Variants in PRSS57 observed in about 807,000 individuals in gnomAD.
PRSS57 encodes the protein serine protease 57.
In PRSS57, 19 loss-of-function variants were observed where a neutral mutation model predicts 20.6. The observed-to-expected ratio is 0.92, with a 90% CI of 0.64 to 1.35. The LOEUF (loss-of-function observed/expected upper bound fraction) is 1.35, where lower values mean the gene tolerates loss of function less well. Ranked by LOEUF, PRSS57 falls within the 40% of genes most tolerant of loss-of-function variation. PRSS57 has a pLI of 0.00. For missense variants in PRSS57, 440 were observed against 403.7 expected, an observed-to-expected ratio of 1.09 and a Z score of -0.77; for synonymous variants, 203 against 176.6, an observed-to-expected ratio of 1.15 and a Z score of -1.19.
At chr19:691,431 G>A (rs2031640836) in intron 3 of PRSS57, among the ~76,000 whole-genome samples, 1 of 151,652 alleles carries the variant, frequency 6.6e-6, no homozygotes, top group Non-Finnish European at 1.5e-5. Flanking sequence ...CTTGAGCCTG[G>A]GAGGCGGAGG....
chr19:695,378 G>C lies in PRSS57; in HGVS notation c.53C>G (p.Ala18Gly). The C allele has an allele frequency of 1.6e-6, 2 of 1,282,900 alleles. No individual in the cohort carries two copies. Among genetic ancestry groups the C allele is most frequent in the Non-Finnish European group, 2.0e-6 (2 of 1,009,932 alleles). The allele number at this position is 1,282,900 out of a possible 1,614,324, so 79.5% of individuals were successfully genotyped here. The change falls in exon 1 of 5, where the codon GCC becomes GGC. Residue 18 changes from alanine (A) to glycine (G), a missense_variant. Physicochemically the swap from Ala to Gly is moderately conservative, Grantham distance 60 (BLOSUM62 0). Coordinates refer to ENST00000329267, the MANE Select transcript of PRSS57 (RefSeq NM_001308209.2). ...WGRPLLTVAT[A>G]LMLPVKPPGS... ...GGGGGGCTTCACGGGCAGCATCAGGGCGGTGGCCACAGTCAGCAGAGGACG... is the reference window on the plus strand; with the variant it reads ...GGGGGGCTTCACGGGCAGCATCAGGCCGGTGGCCACAGTCAGCAGAGGACG...
chr19:691,776 GC>G, intron 3 of PRSS57, 81 bp downstream of exon 3: 1 of 1,229,304 alleles, frequency 8.1e-7, no homozygotes, highest in South Asian at 3.5e-5. Flanking sequence ...CCGAGATTGC[GC>G]CATTGCCCTC....
intron 4 of PRSS57, among the ~76,000 whole-genome samples, 159 bp downstream of exon 4, chr19:686,766 A>C (rs2031484672): frequency 1.3e-5 from 2 of 152,158 alleles, no homozygotes; most frequent in Non-Finnish European, 2.9e-5. Context: ...GCAGCCCTGC[A>C]TGACCCTTGC....
intron 2 of PRSS57, among the ~76,000 whole-genome samples, chr19:693,712 A>C (rs368107806): frequency 3.8e-4 from 57 of 150,338 alleles, no homozygotes; most frequent in African/African-American, 1.4e-3. Flanking sequence ...GGGGATACGT[A>C]CAGCCACTTG....
At chr19:693,598 TCA>T (rs749584376) in intron 2 of PRSS57, among the ~76,000 whole-genome samples, 45 of 152,004 alleles carry the variant, frequency 3.0e-4, no homozygotes, top group Admixed American at 1.3e-3. Context: ...CGACAGAATC[TCA>T]CTCTTTCCCC....
chr19:687,740 T>C (rs2031519731), intron 3 of PRSS57, among the ~76,000 whole-genome samples: 1 of 151,990 alleles, frequency 6.6e-6, no homozygotes, highest in African/African-American at 2.4e-5. Context: ...CCTTCCTTAC[T>C]CTAAGCCCTC....
intron 2 of PRSS57, among the ~76,000 whole-genome samples, chr19:693,544 G>A (rs112494006): frequency 2.0e-5 from 3 of 151,878 alleles, no homozygotes; most frequent in African/African-American, 7.3e-5. Flanking sequence ...GTAATTGCAC[G>A]AAAAAAATTA....
At chr19:691,794 G>C (rs555384334) in intron 3 of PRSS57, 64 bp downstream of exon 3, 1 of 1,292,894 alleles carries the variant, frequency 7.7e-7, no homozygotes, top group East Asian at 2.9e-5. Flanking sequence ...CCTCCAGCCC[G>C]AGCGACAGAG....
intron 3 of PRSS57, among the ~76,000 whole-genome samples, chr19:688,887 C>A (rs974553812): frequency 6.6e-6 from 1 of 152,176 alleles, no homozygotes; most frequent in African/African-American, 2.4e-5. Flanking sequence ...GTGTGAGCCA[C>A]CACGCCCGGC....
chr19:694,550 C>T (rs1599120525), intron 2 of PRSS57, among the ~76,000 whole-genome samples: 1 of 126,042 alleles, frequency 7.9e-6, no homozygotes, highest in Non-Finnish European at 1.6e-5. Flanking sequence ...CCTGGGGAAC[C>T]GAGACTGCCT....
chr19:691,687 C>T (rs191179702), intron 3 of PRSS57, among the ~76,000 whole-genome samples, 171 bp downstream of exon 3: 80 of 151,494 alleles, frequency 5.3e-4, no homozygotes, highest in Admixed American at 1.3e-3. Context: ...GGCTTGGTGG[C>T]GCGCACCTGT....
Position 694,836 on chromosome 19 carries a change from C to A in PRSS57, c.211G>T (p.Ala71Ser). ...CACCTGTGGCTGAAGCAGTGGGCGG[C>A]CGAGACCACCCAGCGGGCTCGCAGC... ...FLLRARWVVSAAHCFSHRDLR... is the reference protein window; with the variant it reads ...FLLRARWVVSSAHCFSHRDLR... The change falls in exon 2 of 5, where the codon GCC becomes TCC. Residue 71 changes from alanine (A) to serine (S), a missense_variant. Coordinates refer to ENST00000329267, the MANE Select transcript of PRSS57 (RefSeq NM_001308209.2). The A allele has an allele frequency of 2.5e-6, 4 of 1,607,072 alleles. No individual in the cohort carries two copies. The highest frequency in any genetic ancestry group is 1.7e-6 in the Non-Finnish European group (2 of 1,177,698).
At chr19:692,541 C>T (rs2031677749) in intron 2 of PRSS57, among the ~76,000 whole-genome samples, 1 of 150,818 alleles carries the variant, frequency 6.6e-6, no homozygotes, top group Non-Finnish European at 1.5e-5. Flanking sequence ...CTCAGCCCTC[C>T]AAGCAGCTAA....
At chr19:691,441 G>T (rs2031641249) in intron 3 of PRSS57, among the ~76,000 whole-genome samples, 2 of 150,604 alleles carry the variant, frequency 1.3e-5, no homozygotes, top group African/African-American at 4.9e-5. Flanking sequence ...GGAGGCGGAG[G>T]TTACAGTGAG....
In PRSS57 at chr19:694,922, TG is replaced by T. The variant is rs746024289; in HGVS notation, c.124del (p.His42ThrfsTer51). On this transcript the variant is annotated frameshift_variant, in exon 2 of 5. Transcript: ENST00000329267. LOFTEE classifies it high-confidence loss of function. ...CACGGATGCCATGTAGGGCCTGGAGTGGGGGGTCACCTCGTGGCCCCCGATG... is the reference window on the plus strand; with the variant it reads ...CACGGATGCCATGTAGGGCCTGGAGTGGGGGTCACCTCGTGGCCCCCGATG... ...QIIGGHEVTP[H>X]SRPYMASVRF... The T allele has an allele frequency of 2.5e-6, 4 of 1,587,508 alleles. No individual in the cohort carries two copies. The highest frequency in any genetic ancestry group is 2.7e-5 in the African/African-American group (2 of 73,844).
chr19:688,345 T>TG (rs1326655306), intron 3 of PRSS57, among the ~76,000 whole-genome samples: 4 of 61,860 alleles, frequency 6.5e-5, no homozygotes, highest in Non-Finnish European at 1.0e-4. Flanking sequence ...CTCCTCCTCC[T>TG]TTTTTTTTTG....
intron 3 of PRSS57, among the ~76,000 whole-genome samples, chr19:687,594 C>T (rs1403942532): frequency 2.0e-5 from 3 of 152,038 alleles, no homozygotes; most frequent in East Asian, 1.9e-4. Flanking sequence ...TTAGTAGAGA[C>T]GGGGTTTCAC....
At position 685,807 on chromosome 19, in the gene PRSS57, A is replaced by G; in HGVS notation, c.758T>C (p.Phe253Ser). The G allele has an allele frequency of 4.5e-6, 7 of 1,566,480 alleles. No homozygotes were observed. Among genetic ancestry groups the G allele is most frequent in the Non-Finnish European group, 6.1e-6 (7 of 1,155,042 alleles). Residue 253 changes from phenylalanine (F) to serine (S), a missense_variant, in exon 5 of 5, where the codon TTT becomes TCT. Phe to Ser is a radical substitution (Grantham distance 155). Transcript: ENST00000329267. ...TPDVYTQVSA[F>S]VAWIWDVVRR... ...AACCACGTCCCAGATCCAGGCCACA[A>G]AGGCGGACACCTGCGTGTACACGTC...
At chr19:688,363 CAG>C (rs1224267498) in intron 3 of PRSS57, among the ~76,000 whole-genome samples, 2 of 93,768 alleles carry the variant, frequency 2.1e-5, no homozygotes, top group African/African-American at 4.9e-5. Context: ...TTGTTTTTTT[CAG>C]AGTCTTGCTC....
Sources: gnomAD v4.1 joint callset for allele counts (sites outside exome capture counted in the v4.1 genomes callset) on GRCh38, gnomAD v4.1.1 for gene constraint, MANE v1.5 for transcripts, NCBI Gene and HGNC (gene_info 2026-07-23, HGNC 2026-07-21) for gene names.